The following SH2D7 variants were observed in gnomAD, a reference collection of about 807,000 sequenced individuals.
SH2D7 encodes SH2 domain containing 7.
In SH2D7, 32 loss-of-function variants were observed where a neutral mutation model predicts 40.8. That is an observed-to-expected ratio of 0.78 (90% CI 0.59 to 1.05). SH2D7 has a LOEUF of 1.05. Ranked by LOEUF, SH2D7 falls within the 50% of genes least tolerant of loss-of-function variation. The probability of loss-of-function intolerance (pLI) is 0.00; values close to 1 mark genes in which losing one functional copy is unlikely to be tolerated. For synonymous variants in SH2D7, 195 were observed against 221.5 expected (o/e 0.88, Z 1.06); for missense variants, 559 against 566.6 (o/e 0.99, Z 0.14).
intron 4 of SH2D7, among the ~76,000 whole-genome samples, chr15:78,098,954 T>A (rs2073994230): frequency 6.6e-6 from 1 of 151,966 alleles, no homozygotes; most frequent in African/African-American, 2.4e-5. Flanking sequence ...TAGCATGGGG[T>A]GCCTGTGAGT....
At chr15:78,099,074 T>G (rs1351534307) in intron 4 of SH2D7, among the ~76,000 whole-genome samples, 1 of 151,540 alleles carries the variant, frequency 6.6e-6, no homozygotes. Flanking sequence ...AGTGCAATGG[T>G]GCAATCTCAG....
At position 78,095,597 on chromosome 15, in the gene SH2D7, A is replaced by T. The variant is rs189487827; in HGVS notation, c.266+1396A>T. Reference sequence around the variant, plus strand: ...GGAGCAATTGGATATCTAAATGGAAAACAATTACTGCTACCTCATACCATA... The same window carrying T: ...GGAGCAATTGGATATCTAAATGGAATACAATTACTGCTACCTCATACCATA... On this transcript the variant is annotated intron_variant, in intron 2 of 5. Transcript: ENST00000328828. 2.6e-4 allele frequency among the ~76,000 whole-genome samples: 39 copies of T among 152,334 alleles called. No homozygotes were observed. In the East Asian group the frequency reaches 7.1e-3, roughly 28 times the overall value.
rs761722175 is a variant in SH2D7, at chr15:78,098,030, T to C, written c.368T>C (p.Val123Ala). The C allele has an allele frequency of 6.2e-7, 1 of 1,613,988 alleles. No individual in the cohort carries two copies. The highest frequency in any genetic ancestry group is 1.1e-5 in the South Asian group (1 of 91,080). Residue 123 changes from valine (V) to alanine (A), a missense_variant, in exon 3 of 6, where the codon GTG becomes GCG. Val to Ala is a moderately conservative substitution (Grantham distance 64). Coordinates refer to ENST00000328828, the MANE Select transcript of SH2D7 (RefSeq NM_001101404.2). Reference sequence around the variant, plus strand: ...AGCCACAGCACCCTGGCTGAGCTTGTGCACCATTACCAGGAGGCACAGCTC... The same window carrying C: ...AGCCACAGCACCCTGGCTGAGCTTGCGCACCATTACCAGGAGGCACAGCTC... ...TQSHSTLAEL[V>A]HHYQEAQLEP...
At chr15:78,090,244 T>C (rs2073932148), upstream of SH2D7, among the ~76,000 whole-genome samples, 2 of 151,978 alleles carry the variant, frequency 1.3e-5, no homozygotes, top group Non-Finnish European at 2.9e-5. Context: ...CCGTCTCTAC[T>C]AAAAATACAA....
At chr15:78,095,212 C>G (rs1299775297) in intron 2 of SH2D7, among the ~76,000 whole-genome samples, 3 of 152,188 alleles carry the variant, frequency 2.0e-5, no homozygotes, top group Non-Finnish European at 4.4e-5. Context: ...CTGTTTAACA[C>G]AATGCATAAA....
intron 2 of SH2D7, among the ~76,000 whole-genome samples, chr15:78,097,640 G>GTGCCTCACT (rs1409365455): frequency 3.3e-5 from 5 of 152,014 alleles, no homozygotes; most frequent in African/African-American, 1.2e-4. Flanking sequence ...CCTAAGATGA[G>GTGCCTCACT]TGCCTCACTT....
At position 78,097,919 on chromosome 15, in the gene SH2D7, T is replaced by G. The variant is rs2073983317; in HGVS notation, c.267-10T>G. The G allele has an allele frequency of 6.2e-7, 1 of 1,612,618 alleles. No individual in the cohort carries two copies. The highest frequency in any genetic ancestry group is 1.3e-5 in the African/African-American group (1 of 74,902). ...CCAGCAGCCCCAGACCACAAGCACT[T>G]GTGTTGCAGGGGCAGTGATCGCTGC... On this transcript the variant is annotated splice_polypyrimidine_tract_variant and intron_variant, in intron 2 of 5. Coordinates refer to ENST00000328828, the MANE Select transcript of SH2D7 (RefSeq NM_001101404.2).
At chr15:78,100,325 C>T (rs535623083) in intron 4 of SH2D7, among the ~76,000 whole-genome samples, 8 of 152,192 alleles carry the variant, frequency 5.3e-5, no homozygotes, top group Middle Eastern at 6.8e-3. Context: ...CAGTGGACCA[C>T]AATGGAGGTG....
intron 1 of SH2D7, 114 bp from the exon 2 acceptor site, chr15:78,093,998 G>T: frequency 2.1e-6 from 2 of 968,302 alleles, no homozygotes; most frequent in Non-Finnish European, 3.1e-6. Flanking sequence ...ATAAAGGGTT[G>T]GAGGTCTGGA....
At chr15:78,090,311 G>A (rs536747055), upstream of SH2D7, among the ~76,000 whole-genome samples, 17 of 152,310 alleles carry the variant, frequency 1.1e-4, no homozygotes, top group East Asian at 2.7e-3. Context: ...AGGAGGCTGA[G>A]GCAGGAAAAT....
intron 2 of SH2D7, among the ~76,000 whole-genome samples, chr15:78,094,492 AG>A (rs999094850): frequency 2.8e-4 from 42 of 152,226 alleles, no homozygotes; most frequent in African/African-American, 1.0e-3. Flanking sequence ...GGCAGAAAGG[AG>A]GGTGTGGTTG....
At chr15:78,094,535 C>T (rs187212669) in intron 2 of SH2D7, among the ~76,000 whole-genome samples, 129 of 152,220 alleles carry the variant, frequency 8.5e-4, no homozygotes, top group African/African-American at 2.7e-3. Context: ...GTAGATGGAA[C>T]GCCATGTGCA....
chr15:78,097,627 G>A (rs536215264), intron 2 of SH2D7, among the ~76,000 whole-genome samples: 22 of 151,936 alleles, frequency 1.4e-4, no homozygotes, highest in Non-Finnish European at 3.1e-4. Context: ...TTTAAATTTC[G>A]CACCTAAGAT....
upstream of SH2D7, among the ~76,000 whole-genome samples, chr15:78,090,895 A>G (rs911203623): frequency 3.3e-5 from 5 of 152,184 alleles, no homozygotes; most frequent in African/African-American, 1.2e-4. Context: ...ATCTTCACAC[A>G]GTGAGCACTC....
upstream of SH2D7, among the ~76,000 whole-genome samples, chr15:78,090,623 C>CCATCAT (rs59098608): frequency 0.2 from 29,137 of 146,286 alleles, 3,282 homozygotes; most frequent in Middle Eastern, 0.29. Flanking sequence ...TCTTGCATCA[C>CCATCAT]CATCATCATC....
upstream of SH2D7, among the ~76,000 whole-genome samples, chr15:78,090,127 C>T (rs2141866738): frequency 6.6e-6 from 1 of 152,236 alleles, no homozygotes; most frequent in East Asian, 1.9e-4. Flanking sequence ...CACCCCATCC[C>T]CAGGTGAGCT....
At chr15:78,098,926 A>C (rs987079582) in intron 4 of SH2D7, among the ~76,000 whole-genome samples, 7 of 152,192 alleles carry the variant, frequency 4.6e-5, no homozygotes, top group Non-Finnish European at 8.8e-5. Flanking sequence ...AAATGCCTGA[A>C]TATCCCTTAG....
chr15:78,101,302 T>G lies in SH2D7; in HGVS notation c.1049T>G (p.Ile350Ser). ...QPCSQGSSAD[I>S]YEFIGTEGLL... is the part of the protein sequence containing the mutation. ...TGCTCCCAGGGCAGCTCTGCAGATATCTATGAGTTCATCGGGACAGAAGGC... is the reference window on the plus strand; with the variant it reads ...TGCTCCCAGGGCAGCTCTGCAGATAGCTATGAGTTCATCGGGACAGAAGGC... The change falls in exon 5 of 6, where the codon ATC (isoleucine) becomes AGC (serine). Residue 350 changes from isoleucine (I) to serine (S), a missense_variant. Coordinates refer to ENST00000328828, the MANE Select transcript of SH2D7 (RefSeq NM_001101404.2). 6.2e-7 allele frequency: 1 copy of G among 1,612,972 alleles called. No homozygotes were observed. The highest frequency in any genetic ancestry group is 8.5e-7 in the Non-Finnish European group (1 of 1,179,554).
At position 78,103,652 on chromosome 15, in the gene SH2D7, C is replaced by T. The variant is rs1468530853; in HGVS notation, c.*137C>T. The stretch of plus-strand genomic sequence containing the variant: ...TCCAGCCTGCTACAGAACTAGGCTC[C>T]GAGACAGCCGAGGTGCCTGCCTGAG... On this transcript the variant is annotated 3_prime_UTR_variant, in exon 6 of 6. Coordinates refer to ENST00000328828, the MANE Select transcript of SH2D7 (RefSeq NM_001101404.2). 1.0e-5 allele frequency: 11 copies of T among 1,071,328 alleles called. No individual in the cohort carries two copies. The highest frequency in any genetic ancestry group is 2.5e-5 in the Admixed American group (1 of 40,718). 66.4% of individuals were successfully genotyped at this position (1,071,328 alleles called of 1,614,324 possible).
Sources: gnomAD v4.1 joint callset for allele counts (sites outside exome capture counted in the v4.1 genomes callset) on GRCh38, gnomAD v4.1.1 for gene constraint, MANE v1.5 for transcripts, NCBI Gene and HGNC (gene_info 2026-07-23, HGNC 2026-07-21) for gene names.